The following SCN10A variants were observed in gnomAD, a reference collection of about 807,000 sequenced individuals.
SCN10A encodes the protein sodium voltage-gated channel alpha subunit 10, also known as sodium channel protein type 10 subunit alpha.
SCN10A carries 162 observed loss-of-function variants against 170.7 expected under a neutral mutation model. The observed-to-expected ratio is 0.95, with a 90% CI of 0.84 to 1.08. The LOEUF (loss-of-function observed/expected upper bound fraction) is 1.08. Ranked by LOEUF, SCN10A falls within the 50% of genes least tolerant of loss-of-function variation. The pLI is 0.00. For missense variants in SCN10A, 2,527 were observed against 2,436.9 expected, an observed-to-expected ratio of 1.04 and a Z score of -0.78; for synonymous variants, 985 against 904.6, an observed-to-expected ratio of 1.09 and a Z score of -1.59.
intron 27 of SCN10A, among the ~76,000 whole-genome samples, chr3:38,700,175 A>T (rs2063142090): frequency 6.6e-6 from 1 of 152,226 alleles, no homozygotes; most frequent in Non-Finnish European, 1.5e-5. Flanking sequence ...GCTAAGTGAG[A>T]TAAGCCAGAC....
chr3:38,741,199 G>A (rs72866259), intron 14 of SCN10A, among the ~76,000 whole-genome samples: 13,672 of 152,052 alleles, frequency 0.09, 1,085 homozygotes, highest in African/African-American at 0.2. Flanking sequence ...AATCCAGTAG[G>A]TCACCTCCAG....
At chr3:38,763,740 G>C (rs556986297) in intron 5 of SCN10A, 144 bp from the exon 6 acceptor site, 1 of 639,744 alleles carries the variant, frequency 1.6e-6, no homozygotes, top group Non-Finnish European at 2.8e-6. Context: ...GCCATCTATA[G>C]ACTGACACTG....
At chr3:38,783,714 T>C (rs753992475) in intron 4 of SCN10A, among the ~76,000 whole-genome samples, 3 of 152,050 alleles carry the variant, frequency 2.0e-5, no homozygotes, top group Non-Finnish European at 4.4e-5. Flanking sequence ...CTGTTAAACA[T>C]AGGTACCTAA....
At chr3:38,714,555 T>C (rs892410852) in intron 21 of SCN10A, among the ~76,000 whole-genome samples, 1 of 152,180 alleles carries the variant, frequency 6.6e-6, no homozygotes, top group African/African-American at 2.4e-5. Context: ...TTGGGTGGGG[T>C]CTAATTCCCA....
At chr3:38,811,771 C>T (rs2064442887) in intron 1 of SCN10A, among the ~76,000 whole-genome samples, 1 of 152,180 alleles carries the variant, frequency 6.6e-6, no homozygotes. Context: ...TTTTCCAGGA[C>T]TTTCTACTGT....
chr3:38,775,071 G>A (rs939605039), intron 4 of SCN10A, among the ~76,000 whole-genome samples: 9 of 152,046 alleles, frequency 5.9e-5, no homozygotes, highest in African/African-American at 2.2e-4. Context: ...TTAAAAAAAA[G>A]TTTTGGTAAA....
In SCN10A at chr3:38,733,225, C is replaced by A. The variant is rs562183661; in HGVS notation, c.2281-4324G>T. ...AAACCTTAAAACAAACCTTGGCTTT[C>A]CATTTTCCCACAAGCAGGAGGCAAA... On this transcript the variant is annotated intron_variant, in intron 15 of 27. Transcript: ENST00000449082. Among the ~76,000 whole-genome samples the A allele has an allele frequency of 2.6e-4, 39 of 152,228 alleles. No individual in the cohort carries two copies. The Middle Eastern group carries it at 0.017, about 66-fold the overall frequency.
At chr3:38,775,639 T>C (rs757649900) in intron 4 of SCN10A, among the ~76,000 whole-genome samples, 2 of 152,192 alleles carry the variant, frequency 1.3e-5, no homozygotes, top group Non-Finnish European at 2.9e-5. Context: ...AAAAAGTCAC[T>C]GAGTCTTTCC....
intron 15 of SCN10A, among the ~76,000 whole-genome samples, chr3:38,732,547 C>T (rs890845905): frequency 6.8e-6 from 1 of 146,056 alleles, no homozygotes; most frequent in Admixed American, 6.8e-5. Context: ...GGAGAAATTG[C>T]TTCATTGAAA....
intron 15 of SCN10A, among the ~76,000 whole-genome samples, chr3:38,732,789 T>C (rs1159100512): frequency 1.3e-5 from 2 of 152,218 alleles, no homozygotes; most frequent in African/African-American, 4.8e-5. Flanking sequence ...TTGGCTATGT[T>C]GGTCAAGACA....
chr3:38,702,862 T>C (rs553256315), intron 26 of SCN10A, among the ~76,000 whole-genome samples: 1 of 152,202 alleles, frequency 6.6e-6, no homozygotes, highest in Non-Finnish European at 1.5e-5. Context: ...TTTTATGGTG[T>C]CTTTAAAAAG....
rs2063816707 is a variant in SCN10A at position 38,757,080 on chromosome 3, A to C, written c.1030T>G (p.Trp344Gly). The change falls in exon 9 of 28, where the codon TGG (tryptophan) becomes GGG (glycine). Residue 344 changes from tryptophan (W) to glycine (G), a missense_variant. By Grantham distance (184) the Trp-to-Gly change is radical. Transcript: ENST00000449082. ...FNYTSFDSFA[W>G]AFLSLFRLMT... ...AGGCGGAACAGTGAGAGGAAAGCCC[A>C]AGCAAAGGAATCAAAGCTGGTGTAG... The C allele has an allele frequency of 6.2e-7, 1 of 1,613,946 alleles. No homozygotes were observed. Among genetic ancestry groups the C allele is most frequent in the Non-Finnish European group, 8.5e-7 (1 of 1,179,920 alleles).
intron 5 of SCN10A, among the ~76,000 whole-genome samples, chr3:38,767,453 G>C (rs1384081288): frequency 6.6e-6 from 1 of 151,802 alleles, no homozygotes; most frequent in African/African-American, 2.4e-5. Context: ...TTATCATTCA[G>C]TTCAAAAAAT....
Position 38,794,028 on chromosome 3 carries a change from G to A in SCN10A, c.-18C>T. On this transcript the variant is annotated 5_prime_UTR_variant, in exon 2 of 28. Coordinates refer to ENST00000449082, the MANE Select transcript of SCN10A (RefSeq NM_006514.4). Reference sequence around the variant, plus strand: ...AATTCCATCTTCTCATTCTTCTTCAGGAAGTATTTATACTCTTATAAGAGT... The same window carrying A: ...AATTCCATCTTCTCATTCTTCTTCAAGAAGTATTTATACTCTTATAAGAGT... 6.2e-7 allele frequency: 1 copy of A among 1,611,880 alleles called. No homozygotes were observed.
intron 15 of SCN10A, among the ~76,000 whole-genome samples, chr3:38,735,974 C>A (rs564406770): frequency 1.3e-5 from 2 of 152,198 alleles, no homozygotes; most frequent in South Asian, 4.1e-4. Context: ...ATTGTAAATG[C>A]CAGGTTAATT....
chr3:38,716,159 G>A (rs1423826879), intron 21 of SCN10A, among the ~76,000 whole-genome samples: 1 of 152,114 alleles, frequency 6.6e-6, no homozygotes, highest in Non-Finnish European at 1.5e-5. Context: ...GTAACTATGT[G>A]AGATGATGGA....
At chr3:38,810,498 T>G (rs1017844812) in intron 1 of SCN10A, among the ~76,000 whole-genome samples, 1 of 152,234 alleles carries the variant, frequency 6.6e-6, no homozygotes, top group African/African-American at 2.4e-5. Flanking sequence ...CCTTTTAGGC[T>G]AAAGCTTAAA....
intron 8 of SCN10A, 82 bp downstream of exon 8, chr3:38,760,599 C>T (rs1344751908): frequency 8.3e-6 from 9 of 1,078,300 alleles, no homozygotes; most frequent in Admixed American, 1.7e-5. Context: ...CCTGCAACCC[C>T]ATCTGTGCCC....
chr3:38,748,600 G>A (rs2063716752), intron 13 of SCN10A, among the ~76,000 whole-genome samples: 1 of 152,100 alleles, frequency 6.6e-6, no homozygotes, highest in Non-Finnish European at 1.5e-5. Flanking sequence ...CTGGTCCCTG[G>A]TGGGAGAGTC....
Sources: gnomAD v4.1 joint callset for allele counts (sites outside exome capture counted in the v4.1 genomes callset) on GRCh38, gnomAD v4.1.1 for gene constraint, MANE v1.5 for transcripts, NCBI Gene and HGNC (gene_info 2026-07-23, HGNC 2026-07-21) for gene names.